Variants in PTGFRN observed in about 807,000 individuals in gnomAD.
The protein encoded by PTGFRN is prostaglandin F2 receptor inhibitor.
A neutral mutation model predicts 83.2 loss-of-function variants in PTGFRN; 35 were observed. The observed-to-expected ratio is 0.42, with a 90% CI of 0.32 to 0.56. The LOEUF (loss-of-function observed/expected upper bound fraction) is 0.56, where lower values mean the gene tolerates loss of function less well. Ranked by LOEUF, PTGFRN falls within the 20% of genes least tolerant of loss-of-function variation. The pLI is 0.11. For synonymous variants in PTGFRN, 519 were observed against 498.6 expected, an observed-to-expected ratio of 1.04 and a Z score of -0.55; for missense variants, 1,051 against 1,179.5, an observed-to-expected ratio of 0.89 and a Z score of 1.60.
chr1:116,967,393 A>C, intron 6 of PTGFRN, 63 bp downstream of exon 6: 1 of 1,492,362 alleles, frequency 6.7e-7, no homozygotes, highest in Non-Finnish European at 9.0e-7. Context: ...TTTTGATCAG[A>C]TGCCCTCATT....
intron 1 of PTGFRN, among the ~76,000 whole-genome samples, chr1:116,922,861 A>G (rs1471733848): frequency 2.0e-5 from 3 of 152,240 alleles, no homozygotes; most frequent in Non-Finnish European, 4.4e-5. Context: ...CGACTGGAAG[A>G]TAGATGCACA....
intron 1 of PTGFRN, among the ~76,000 whole-genome samples, chr1:116,913,018 G>A (rs1303253465): frequency 6.6e-6 from 1 of 152,172 alleles, no homozygotes; most frequent in African/African-American, 2.4e-5. Context: ...TCCACTCAAT[G>A]TGGCATTTCT....
rs756627847 is a variant in PTGFRN at position 116,918,195 on chromosome 1, C to T, written c.49+7943C>T. Among the ~76,000 whole-genome samples the T allele has an allele frequency of 2.6e-5, 4 of 152,162 alleles. No homozygotes were observed. Among genetic ancestry groups the T allele is most frequent in the Non-Finnish European group, 5.9e-5 (4 of 68,026 alleles). On this transcript the variant is annotated intron_variant, in intron 1 of 8. Transcript: ENST00000393203. The surrounding 1 kb of genome is among the most constrained non-coding windows in gnomAD (Gnocchi z 4.1). ...TTATACCCTTCCAGCCTTACTTCAT[C>T]TCCCAATTAAAAGAGGAAAAAATAG...
intron 7 of PTGFRN, among the ~76,000 whole-genome samples, chr1:116,981,671 A>G (rs1025081534): frequency 6.6e-6 from 1 of 152,226 alleles, no homozygotes; most frequent in Non-Finnish European, 1.5e-5. Context: ...CTGGGTAGGA[A>G]ATATTTTGGC....
In PTGFRN at chr1:116,961,809, G is replaced by A. The variant is rs969143635; in HGVS notation, c.1639+141G>A. The A allele has an allele frequency of 2.0e-5, 17 of 838,070 alleles. No homozygotes were observed. Among genetic ancestry groups the A allele is most frequent in the East Asian group, 1.1e-4 (4 of 37,390 alleles). 51.9% of individuals were successfully genotyped at this position (838,070 alleles called of 1,614,324 possible). A position where few individuals can be genotyped will look rare whatever the true frequency, so the allele number is the denominator to read the frequency against. ...CTGGACATTGATCGCCATGCGACCCGTTGCACATGCTCTTTGGACTCACTA... is the reference window on the plus strand; with the variant it reads ...CTGGACATTGATCGCCATGCGACCCATTGCACATGCTCTTTGGACTCACTA... On this transcript the variant is annotated intron_variant, in intron 5 of 8. Coordinates refer to ENST00000393203, the MANE Select transcript of PTGFRN (RefSeq NM_020440.4). The surrounding 1 kb of genome is among the most constrained non-coding windows in gnomAD (Gnocchi z 5.4).
chr1:116,955,901 G>A (rs982246161), intron 4 of PTGFRN, among the ~76,000 whole-genome samples: 3 of 152,204 alleles, frequency 2.0e-5, no homozygotes, highest in African/African-American at 7.2e-5. Context: ...AGCTTGGCAG[G>A]TGGTGGGATT....
chr1:116,934,682 A>T (rs921959237), intron 1 of PTGFRN, among the ~76,000 whole-genome samples: 1 of 150,770 alleles, frequency 6.6e-6, no homozygotes, highest in African/African-American at 2.5e-5. Context: ...CTATTGTCTT[A>T]TTTTTTCTCT....
At chr1:116,928,664 T>C (rs144150067) in intron 1 of PTGFRN, among the ~76,000 whole-genome samples, 15 of 152,364 alleles carry the variant, frequency 9.8e-5, no homozygotes, top group Non-Finnish European at 2.1e-4. Flanking sequence ...CCTTTTGTGA[T>C]GGTTTCCTAT....
chr1:116,986,754 C>T, intron 8 of PTGFRN, 47 bp from the exon 9 acceptor site: 2 of 1,590,622 alleles, frequency 1.3e-6, no homozygotes, highest in Non-Finnish European at 1.7e-6. Flanking sequence ...CCAAAGCGGC[C>T]TCCCTCGCAG....
intron 4 of PTGFRN, among the ~76,000 whole-genome samples, chr1:116,957,098 GT>G (rs1650520435): frequency 7.6e-6 from 1 of 130,986 alleles, no homozygotes; most frequent in Non-Finnish European, 1.6e-5. Flanking sequence ...TTGGAACAAG[GT>G]TTTAACTCTC....
At chr1:116,969,087 A>G (rs1650919627) in intron 6 of PTGFRN, among the ~76,000 whole-genome samples, 1 of 149,274 alleles carries the variant, frequency 6.7e-6, no homozygotes, top group Non-Finnish European at 1.5e-5. Context: ...TGAAACATCA[A>G]ATTTTTAAAT....
At chr1:116,930,434 G>A (rs1441176331) in intron 1 of PTGFRN, among the ~76,000 whole-genome samples, 1 of 152,156 alleles carries the variant, frequency 6.6e-6, no homozygotes, top group Non-Finnish European at 1.5e-5. Flanking sequence ...CTGCTGGGCA[G>A]ATTTCCTTTT....
intron 1 of PTGFRN, among the ~76,000 whole-genome samples, chr1:116,919,392 GCTTTT>G (rs368417008): frequency 1.4e-4 from 22 of 152,128 alleles, no homozygotes; most frequent in African/African-American, 3.1e-4. Context: ...CAGGCACTAC[GCTTTT>G]CTTTTCTTTT....
At chr1:116,929,286 C>T (rs1649734921) in intron 1 of PTGFRN, among the ~76,000 whole-genome samples, 1 of 152,204 alleles carries the variant, frequency 6.6e-6, no homozygotes, top group South Asian at 2.1e-4. Flanking sequence ...CACTGTCAAC[C>T]AAGGCCGGTG....
At chr1:116,949,103 A>T in intron 3 of PTGFRN, 89 bp from the exon 4 acceptor site, 2 of 1,462,922 alleles carry the variant, frequency 1.4e-6, no homozygotes, top group Non-Finnish European at 1.8e-6. Context: ...GTAAATAAGA[A>T]CTTAAAAGGA....
intron 5 of PTGFRN, among the ~76,000 whole-genome samples, chr1:116,964,079 G>GTGCCGGGCGCC (rs1650756984): frequency 6.6e-6 from 1 of 151,536 alleles, no homozygotes; most frequent in African/African-American, 2.4e-5. Flanking sequence ...CGTGCCGGGC[G>GTGCCGGGCGCC]CCCCCCCTTT....
At chr1:116,960,723 C>T (rs1650626818) in intron 4 of PTGFRN, among the ~76,000 whole-genome samples, 1 of 152,148 alleles carries the variant, frequency 6.6e-6, no homozygotes. Flanking sequence ...GACCTGAGGG[C>T]CTTGCATTTA....
At chr1:116,910,848 T>A (rs955282608) in intron 1 of PTGFRN, among the ~76,000 whole-genome samples, 1 of 152,190 alleles carries the variant, frequency 6.6e-6, no homozygotes, top group Non-Finnish European at 1.5e-5. Context: ...ATCTTCTGCC[T>A]CAGTCTTTTC....
intron 4 of PTGFRN, among the ~76,000 whole-genome samples, chr1:116,957,979 T>C (rs927333208): frequency 1.1e-4 from 16 of 152,178 alleles, no homozygotes; most frequent in Admixed American, 1.0e-3. Context: ...TAGTAGTCTA[T>C]TGTGTATATA....
Sources: gnomAD v4.1 joint callset for allele counts (sites outside exome capture counted in the v4.1 genomes callset) on GRCh38, gnomAD v4.1.1 for gene constraint, Gnocchi (gnomAD v3.1) non-coding constraint, MANE v1.5 for transcripts, NCBI Gene and HGNC (gene_info 2026-07-23, HGNC 2026-07-21) for gene names.